DHX57: variants seen among roughly 807,000 people sequenced by gnomAD.
The protein encoded by DHX57 is putative ATP-dependent RNA helicase DHX57.
DHX57 carries 105 observed loss-of-function variants against 156.2 expected under a neutral mutation model. The ratio of observed to expected loss-of-function variants is 0.67; its 90% CI spans 0.57 to 0.79. DHX57 has a LOEUF of 0.79. Ranked by LOEUF, DHX57 falls within the 30% of genes least tolerant of loss-of-function variation. The pLI is 0.00. For synonymous variants in DHX57, 704 were observed against 595.6 expected (o/e 1.18, Z -2.65); for missense variants, 1,847 against 1,661.9 (o/e 1.11, Z -1.94).
chr2:38,858,258 TG>T (rs765609139), intron 6 of DHX57, among the ~76,000 whole-genome samples: 42 of 152,120 alleles, frequency 2.8e-4, no homozygotes, highest in Non-Finnish European at 3.5e-4. Flanking sequence ...GACAGGGTTT[TG>T]CCATGTTGGC....
At chr2:38,800,733 C>T (rs1406548823) in intron 23 of DHX57, among the ~76,000 whole-genome samples, 5 of 152,138 alleles carry the variant, frequency 3.3e-5, no homozygotes, top group Non-Finnish European at 5.9e-5. Context: ...GCAGCCCTTT[C>T]GATACCACTA....
intron 13 of DHX57, among the ~76,000 whole-genome samples, chr2:38,832,981 C>CTTTTTTT (rs773309488): frequency 4.0e-5 from 4 of 99,592 alleles, no homozygotes; most frequent in Admixed American, 1.0e-4. Context: ...AATGTCTATT[C>CTTTTTTT]TTTTTTTTTT....
intron 11 of DHX57, among the ~76,000 whole-genome samples, chr2:38,846,554 C>T (rs1411211155): frequency 6.7e-6 from 1 of 148,812 alleles, no homozygotes; most frequent in African/African-American, 2.5e-5. Flanking sequence ...GTATTCGAGG[C>T]TGCAGTGAGC....
intron 12 of DHX57, chr2:38,838,835 T>C: frequency 2.2e-6 from 1 of 453,532 alleles, no homozygotes; most frequent in South Asian, 1.6e-5. Context: ...TCATAGACCC[T>C]CACAATCTCC....
intron 22 of DHX57, 21 bp from the exon 23 acceptor site, chr2:38,802,936 T>C (rs1669763730): frequency 1.2e-6 from 2 of 1,613,244 alleles, no homozygotes; most frequent in African/African-American, 1.3e-5. Context: ...AAACCTCAGA[T>C]GATGACAGTG....
chr2:38,854,997 AC>A, intron 8 of DHX57, 59 bp downstream of exon 8: 1 of 1,602,802 alleles, frequency 6.2e-7, no homozygotes, highest in Middle Eastern at 1.7e-4. Context: ...AACCCCCAAA[AC>A]TTTTTATACC....
At chr2:38,842,115 T>C (rs1672039796) in intron 12 of DHX57, among the ~76,000 whole-genome samples, 1 of 152,198 alleles carries the variant, frequency 6.6e-6, no homozygotes, top group South Asian at 2.1e-4. Flanking sequence ...ACGGGGCCCA[T>C]GTGCCTTTTG....
In DHX57 at chr2:38,855,128, G is replaced by A. The variant is rs201414410; in HGVS notation, c.1834C>T (p.Arg612Cys). 16 of 1,614,012 alleles carry A rather than the reference G, an allele frequency of 9.9e-6. No individual in the cohort carries two copies. Among genetic ancestry groups the A allele is most frequent in the Non-Finnish European group, 1.1e-5 (13 of 1,180,012 alleles). ...CTCTCTGCTCTTTCTTTAGCAACGC[G>A]TTCAGCAACAGAGATTGCAGAGATT... ...RRISAISVAE[R>C]VAKERAERVG... Residue 612 changes from arginine to cysteine, a missense_variant, in exon 8 of 24, where the codon CGC becomes TGC. Transcript: ENST00000457308.
intron 21 of DHX57, chr2:38,811,189 T>A (rs1442031394): frequency 2.0e-6 from 1 of 492,862 alleles, no homozygotes; most frequent in Non-Finnish European, 3.8e-6. Context: ...TCTCTGCATA[T>A]TCCATCAGAT....
At chr2:38,837,809 G>A (rs779703765) in intron 13 of DHX57, 22 bp downstream of exon 13, 2 of 1,406,080 alleles carry the variant, frequency 1.4e-6, no homozygotes, top group Non-Finnish European at 2.0e-6. Flanking sequence ...TGTCATTCAA[G>A]CCTTAATAAA....
At chr2:38,852,674 G>A (rs1212827661) in intron 9 of DHX57, among the ~76,000 whole-genome samples, 2 of 149,654 alleles carry the variant, frequency 1.3e-5, no homozygotes, top group South Asian at 2.1e-4. Context: ...CTCTTCACAG[G>A]TGCAATCATA....
chr2:38,828,497 A>C (rs1222389317), intron 13 of DHX57, 61 bp from the exon 14 acceptor site: 9 of 1,251,058 alleles, frequency 7.2e-6, no homozygotes, highest in Non-Finnish European at 1.0e-5. Context: ...AAACAAGAAA[A>C]ATTTTTTTAA....
intron 17 of DHX57, among the ~76,000 whole-genome samples, chr2:38,822,404 G>GTT (rs1001133309): frequency 7.2e-6 from 1 of 139,620 alleles, no homozygotes. Context: ...AATATTAGTT[G>GTT]TTTTTTTTTT....
chr2:38,810,592 C>T, intron 21 of DHX57: 2 of 601,974 alleles, frequency 3.3e-6, no homozygotes, highest in South Asian at 2.9e-5. Flanking sequence ...GGGCTCCTGG[C>T]AGAGGATGTA....
intron 9 of DHX57, chr2:38,853,043 A>C (rs910959809): frequency 1.0e-3 from 21 of 20,480 alleles, no homozygotes; most frequent in African/African-American, 1.8e-3. Flanking sequence ...CTCATATTTC[A>C]GTTTTCTTTT....
intron 2 of DHX57, 43 bp from the exon 3 acceptor site, chr2:38,863,562 C>T (rs755433201): frequency 6.3e-7 from 1 of 1,584,838 alleles, no homozygotes. Flanking sequence ...TATCTTCAAT[C>T]AGAACTTTTA....
Position 38,828,512 on chromosome 2 carries a change from G to T in DHX57, c.2543-76C>A, listed in dbSNP as rs1337632964. On this transcript the variant is annotated intron_variant, in intron 13 of 23. Transcript: ENST00000457308. ...AAACAAGAAAAATTTTTTTAAAAAA[G>T]AATATGATAAATGAAGTAAATGAAA... is the stretch of plus-strand genomic sequence containing the variant. The T allele has an allele frequency of 5.8e-6, 6 of 1,033,030 alleles. No individual in the cohort carries two copies. The African/African-American group carries it at 8.3e-5, about 14-fold the overall frequency. 64.0% of individuals were successfully genotyped at this position (1,033,030 alleles called of 1,614,324 possible).
rs539448414 is a variant in DHX57, at chr2:38,851,014, C to T, written c.2031-2612G>A. On this transcript the variant is annotated intron_variant, in intron 9 of 23. Transcript: ENST00000457308. ...ATCGCTTGAACCTGGGAGGTGGAGG[C>T]TGCAGTGAGCTGAGACTGCACCACT... Among the ~76,000 whole-genome samples the T allele has an allele frequency of 3.9e-5, 6 of 151,920 alleles. No individual in the cohort carries two copies. In the East Asian group the frequency reaches 1.2e-3, roughly 29 times the overall value.
Position 38,861,058 on chromosome 2 carries a change from G to A in DHX57, c.1352C>T (p.Pro451Leu). 2 of 1,614,108 alleles carry A rather than the reference G, an allele frequency of 1.2e-6. No individual in the cohort carries two copies. The highest frequency in any genetic ancestry group is 1.1e-5 in the South Asian group (1 of 91,070). The change falls in exon 5 of 24, where the codon CCT (proline) becomes CTT (leucine). Residue 451 changes from proline to leucine, a missense_variant. By Grantham distance (98) the Pro-to-Leu change is moderately conservative. Coordinates refer to ENST00000457308, the MANE Select transcript of DHX57 (RefSeq NM_198963.3). ...TGGAATCACTGTTTTATGACAGGCA[G>A]GATTATTTATTCTGGTCCTAGAGGG... Reference protein sequence around the residue: ...PVPSRTRINNPACHKTVIPNN... With the variant: ...PVPSRTRINNLACHKTVIPNN...
Sources: gnomAD v4.1 joint callset for allele counts (sites outside exome capture counted in the v4.1 genomes callset) on GRCh38, gnomAD v4.1.1 for gene constraint, MANE v1.5 for transcripts, NCBI Gene and HGNC (gene_info 2026-07-23, HGNC 2026-07-21) for gene names.